The following KCNQ1 variants were observed in gnomAD, a reference collection of about 807,000 sequenced individuals.
KCNQ1 encodes the protein potassium voltage-gated channel subfamily Q member 1.
KCNQ1 carries 49 observed loss-of-function variants against 72.4 expected under a neutral mutation model. The observed-to-expected ratio is 0.68, with a 90% confidence interval of 0.54 to 0.86. The LOEUF is 0.86. KCNQ1 is among the 40% of genes least tolerant of loss of function. The pLI is 0.00. For missense variants in KCNQ1, 790 were observed against 945.1 expected (o/e 0.84, Z 2.15); for synonymous variants, 450 against 412.6 (o/e 1.09, Z -1.10).
At position 2,457,108 on chromosome 11, in the gene KCNQ1, G is replaced by A. The variant is rs1331104547; in HGVS notation, c.386+11624G>A. 2.6e-5 allele frequency among the ~76,000 whole-genome samples: 4 copies of A among 152,016 alleles called. No homozygotes were observed. The highest frequency in any genetic ancestry group is 1.3e-4 in the Admixed American group (2 of 15,264). On this transcript the variant is annotated intron_variant, in intron 1 of 15. Coordinates refer to ENST00000155840, the MANE Select transcript of KCNQ1 (RefSeq NM_000218.3). The surrounding 1 kb of genome is among the most constrained non-coding windows in gnomAD (Gnocchi z 5.0). ...AAGTCACAATGAGATACCATCTCAC[G>A]CCAGTCAGAATGGCCTTTGTTTAAA...
rs183303863 is a variant in KCNQ1, at chr11:2,787,814, C to A, written c.1794+9777C>A. Among the ~76,000 whole-genome samples the A allele has an allele frequency of 2.6e-5, 4 of 152,278 alleles. No individual in the cohort carries two copies. The highest frequency in any genetic ancestry group is 2.6e-4 in the Admixed American group (4 of 15,302). On this transcript the variant is annotated intron_variant, in intron 15 of 15. Transcript: ENST00000155840. This position sits in a 1 kb window ranked among gnomAD's most constrained non-coding sequence, Gnocchi z 6.3. Reference sequence around the variant, plus strand: ...AAAAAGGAGATTCCCATGCCTAAGTCATTTCAAACATACTGAAGGGTTTTC... The same window carrying A: ...AAAAAGGAGATTCCCATGCCTAAGTAATTTCAAACATACTGAAGGGTTTTC...
chr11:2,452,485 C>G (rs1034696869), intron 1 of KCNQ1, among the ~76,000 whole-genome samples: 2 of 151,930 alleles, frequency 1.3e-5, no homozygotes, highest in Admixed American at 1.3e-4. Flanking sequence ...AGGGGTAGAC[C>G]CCTCCCAGAG....
chr11:2,848,512 G>C lies in KCNQ1; in HGVS notation c.*509G>C, dbSNP rs1848389820. 1 of 455,134 alleles carries C rather than the reference G, an allele frequency of 2.2e-6. No homozygotes were observed. The highest frequency in any genetic ancestry group is 2.0e-5 in the African/African-American group (1 of 50,144). 28.2% of individuals were successfully genotyped at this position (455,134 alleles called of 1,614,324 possible). ...CAATAAAAGCCCAGGAGCCCATTTG[G>C]AGGGCCTGGGCCTGGCTCCCTCACT... On this transcript the variant is annotated 3_prime_UTR_variant, in exon 16 of 16. Transcript: ENST00000155840.
rs1335564631 is a variant in KCNQ1 at position 2,563,928 on chromosome 11, A to G, written c.478-6700A>G. On this transcript the variant is annotated intron_variant, in intron 2 of 15. Coordinates refer to ENST00000155840, the MANE Select transcript of KCNQ1 (RefSeq NM_000218.3). The surrounding 1 kb of genome is among the most constrained non-coding windows in gnomAD (Gnocchi z 7.4). ...AGTGAAGATTAAGAACTAAAGGCTC[A>G]AGGACAGCTACAGATGACCACAGCT... 6.6e-6 allele frequency among the ~76,000 whole-genome samples: 1 copy of G among 152,254 alleles called. No individual in the cohort carries two copies. Among genetic ancestry groups the G allele is most frequent in the East Asian group, 1.9e-4 (1 of 5,198 alleles).
At chr11:2,510,680 GTGT>G (rs1020761691) in intron 1 of KCNQ1, among the ~76,000 whole-genome samples, 2 of 152,242 alleles carry the variant, frequency 1.3e-5, no homozygotes, top group Non-Finnish European at 2.9e-5. Context: ...AGCCGCACTG[GTGT>G]TGTTCCACCC....
At position 2,808,517 on chromosome 11, in the gene KCNQ1, C is replaced by CAAAAGAGGACCATAA. The variant is rs1319345210; in HGVS notation, c.1794+30481_1794+30495dup. Among the ~76,000 whole-genome samples, 2 of 149,188 alleles carry CAAAAGAGGACCATAA rather than the reference C, an allele frequency of 1.3e-5. No individual in the cohort carries two copies. Among genetic ancestry groups the CAAAAGAGGACCATAA allele is most frequent in the Middle Eastern group, 3.2e-3 (1 of 316 alleles). On this transcript the variant is annotated intron_variant, in intron 15 of 15. Coordinates refer to ENST00000155840, the MANE Select transcript of KCNQ1 (RefSeq NM_000218.3). This position sits in a 1 kb window ranked among gnomAD's most constrained non-coding sequence, Gnocchi z 6.0. ...ATGCAGAACTGAGCAGAGAAGAAAA[C>CAAAAGAGGACCATAA]AAAAGAGGACCATAATATCTCCACA... is the stretch of plus-strand genomic sequence containing the variant.
intron 11 of KCNQ1, among the ~76,000 whole-genome samples, chr11:2,705,968 G>A (rs1850905110): frequency 6.6e-6 from 1 of 152,116 alleles, no homozygotes; most frequent in African/African-American, 2.4e-5. Flanking sequence ...TGGCAGTAAA[G>A]GTCCTTAGAG....
chr11:2,492,043 C>T lies in KCNQ1; in HGVS notation c.387-35885C>T, dbSNP rs1261669796. ...CCAGACAAACAAAAGCTGAGGATGT[C>T]ATCAACACCAGAGCTGTCTTACAAG... On this transcript the variant is annotated intron_variant, in intron 1 of 15. Transcript: ENST00000155840. The surrounding 1 kb of genome is among the most constrained non-coding windows in gnomAD (Gnocchi z 4.1). Among the ~76,000 whole-genome samples the T allele has an allele frequency of 6.6e-6, 1 of 152,156 alleles. No homozygotes were observed. The highest frequency in any genetic ancestry group is 1.5e-5 in the Non-Finnish European group (1 of 68,028).
At chr11:2,692,783 C>G in intron 11 of KCNQ1, 1 of 398,678 alleles carries the variant, frequency 2.5e-6, no homozygotes, top group Admixed American at 4.4e-5. Context: ...GAGTGTTTGA[C>G]AAATATTTCT....
Position 2,565,205 on chromosome 11 carries a change from C to A in KCNQ1, c.478-5423C>A, listed in dbSNP as rs1388270554. 1.3e-5 allele frequency among the ~76,000 whole-genome samples: 2 copies of A among 152,210 alleles called. No homozygotes were observed. Among genetic ancestry groups the A allele is most frequent in the African/African-American group, 4.8e-5 (2 of 41,450 alleles). ...AGCAAAATCGAGCGGCTGGTCATTT[C>A]ACGCTTTAAAGGAGCTGTGGCATTC... On this transcript the variant is annotated intron_variant, in intron 2 of 15. Coordinates refer to ENST00000155840, the MANE Select transcript of KCNQ1 (RefSeq NM_000218.3). The surrounding 1 kb of genome is among the most constrained non-coding windows in gnomAD (Gnocchi z 5.6).
At position 2,587,625 on chromosome 11, in the gene KCNQ1, A is replaced by G. The variant is rs759188558; in HGVS notation, c.1184A>G (p.Tyr395Cys). 1.2e-6 allele frequency: 2 copies of G among 1,613,830 alleles called. No homozygotes were observed. The highest frequency in any genetic ancestry group is 1.7e-6 in the Non-Finnish European group (2 of 1,180,030). Residue 395 changes from tyrosine (Y) to cysteine (C), a missense_variant, in exon 9 of 16, where the codon TAC (tyrosine) becomes TGC (cysteine). By Grantham distance (194) the Tyr-to-Cys change is radical (BLOSUM62 -2). This residue lies in a region of KCNQ1 where 178 missense variants were observed against 177.9 expected (regional missense o/e 1.00). Transcript: ENST00000155840. ...ENPDSSTWKI[Y>C]IRKAPRSHTL... ...CCCGACTCCTCCACCTGGAAGATCT[A>G]CATCCGGAAGGCCCCCCGGAGCCAC...
At chr11:2,555,655 C>A (rs1271427965) in intron 2 of KCNQ1, among the ~76,000 whole-genome samples, 1 of 152,238 alleles carries the variant, frequency 6.6e-6, no homozygotes, top group Non-Finnish European at 1.5e-5. Flanking sequence ...GGATTCAGGG[C>A]CTGATTTGCG....
intron 1 of KCNQ1, among the ~76,000 whole-genome samples, chr11:2,467,975 G>A (rs1846376568): frequency 6.6e-6 from 1 of 152,182 alleles, no homozygotes; most frequent in East Asian, 1.9e-4. Flanking sequence ...CTGCCCAGTG[G>A]CCCTGTGGGT....
rs76146606 is a variant in KCNQ1 at position 2,725,580 on chromosome 11, G to C, written c.1515-43264G>C. On this transcript the variant is annotated intron_variant, in intron 11 of 15. Coordinates refer to ENST00000155840, the MANE Select transcript of KCNQ1 (RefSeq NM_000218.3). The surrounding 1 kb of genome is among the most constrained non-coding windows in gnomAD (Gnocchi z 7.2). ...CGCCAAGTTCAAAGGGCTGCCCCTG[G>C]AACCCAAGTCAGACTTGCCCTCGCC... Among the ~76,000 whole-genome samples the C allele has an allele frequency of 0.019, 2,830 of 152,284 alleles. 92 individuals carry two copies. Among genetic ancestry groups the C allele is most frequent in the African/African-American group, 0.065 (2,685 of 41,546 alleles).
At chr11:2,523,426 C>T (rs1847427586) in intron 1 of KCNQ1, among the ~76,000 whole-genome samples, 1 of 152,174 alleles carries the variant, frequency 6.6e-6, no homozygotes. Flanking sequence ...TCTCGAACTC[C>T]TGTCCTCAGG....
Position 2,677,345 on chromosome 11 carries a change from T to C in KCNQ1, c.1514+15264T>C, listed in dbSNP as rs1850311775. The C allele has an allele frequency of 1.5e-5, 6 of 398,612 alleles. No homozygotes were observed. The highest frequency in any genetic ancestry group is 2.7e-5 in the Non-Finnish European group (6 of 226,052). The allele number at this position is 398,612 out of a possible 1,614,324, so 24.7% of individuals were successfully genotyped here. On this transcript the variant is annotated intron_variant, in intron 11 of 15. Transcript: ENST00000155840. This position sits in a 1 kb window ranked among gnomAD's most constrained non-coding sequence, Gnocchi z 4.5. The stretch of plus-strand genomic sequence containing the variant: ...GTCAAATGATTTCTCAAATAGAGAC[T>C]GGGCAGAGTAGACCAGTTAGTTAAT...
At chr11:2,573,953 G>C (rs1006315859) in intron 6 of KCNQ1, among the ~76,000 whole-genome samples, 1 of 152,236 alleles carries the variant, frequency 6.6e-6, no homozygotes, top group Non-Finnish European at 1.5e-5. Flanking sequence ...CTCAGAGGAC[G>C]CTGGCTGAGG....
At chr11:2,749,565 T>A (rs969336594) in intron 11 of KCNQ1, among the ~76,000 whole-genome samples, 2 of 150,570 alleles carry the variant, frequency 1.3e-5, no homozygotes, top group Non-Finnish European at 1.5e-5. Flanking sequence ...ATCTCAGCAC[T>A]TTGGGAGGCC....
At chr11:2,545,023 A>G (rs996900334) in intron 2 of KCNQ1, among the ~76,000 whole-genome samples, 9 of 152,206 alleles carry the variant, frequency 5.9e-5, no homozygotes, top group Non-Finnish European at 1.0e-4. Flanking sequence ...ATTTTGTCAA[A>G]TGCTCTTTGA....
Sources: gnomAD v4.1 joint callset for allele counts (sites outside exome capture counted in the v4.1 genomes callset) on GRCh38, gnomAD v4.1.1 for gene constraint, gnomAD v4.1.1 regional missense constraint, Gnocchi (gnomAD v3.1) non-coding constraint, MANE v1.5 for transcripts, NCBI Gene and HGNC (gene_info 2026-07-23, HGNC 2026-07-21) for gene names.